The following GALNT13 variants were observed in gnomAD, a reference collection of about 807,000 sequenced individuals.
GALNT13 encodes UDP-GalNAc:polypeptide N-acetylgalactosaminyltransferase 13.
Under a neutral mutation model 64.2 loss-of-function variants are expected in GALNT13, and 28 were observed. That is an observed-to-expected ratio of 0.44 (90% confidence interval 0.32 to 0.60). The LOEUF is 0.60. GALNT13 is among the 20% of genes least tolerant of loss of function. GALNT13 has a pLI of 0.05. For missense variants in GALNT13, 577 were observed against 669.8 expected, an observed-to-expected ratio of 0.86 and a Z score of 1.53; for synonymous variants, 214 against 224.6, an observed-to-expected ratio of 0.95 and a Z score of 0.42.
At chr2:153,690,998 G>A in the GALNT13 span, among the ~76,000 whole-genome samples, 1 of 152,040 alleles carries the variant, frequency 6.6e-6, no homozygotes. Flanking sequence ...GAGAAAATGG[G>A]TAGACCAGAC....
intron 2 of GALNT13, among the ~76,000 whole-genome samples, chr2:153,901,727 C>T (rs1688248095): frequency 6.6e-6 from 1 of 152,016 alleles, no homozygotes; most frequent in Admixed American, 6.6e-5. Context: ...TAAGAATTGC[C>T]TTATATTCAG....
chr2:153,501,363 C>T, the GALNT13 span, among the ~76,000 whole-genome samples: 1 of 151,762 alleles, frequency 6.6e-6, no homozygotes, highest in African/African-American at 2.4e-5. Context: ...ATGGAGTCGC[C>T]CTCTGTCGCC....
At chr2:154,415,676 A>G (rs969612616) in intron 11 of GALNT13, among the ~76,000 whole-genome samples, 1 of 152,158 alleles carries the variant, frequency 6.6e-6, no homozygotes, top group African/African-American at 2.4e-5. Context: ...GGTGTATTAA[A>G]AATTTAGAGA....
the GALNT13 span, among the ~76,000 whole-genome samples, chr2:153,149,110 G>A: frequency 2.0e-4 from 30 of 151,894 alleles, no homozygotes; most frequent in Admixed American, 4.6e-4. Flanking sequence ...CCACCACCCT[G>A]CACTCTTTAA....
the GALNT13 span, among the ~76,000 whole-genome samples, chr2:153,107,524 A>G: frequency 2.0e-5 from 3 of 152,114 alleles, no homozygotes; most frequent in Non-Finnish European, 4.4e-5. Flanking sequence ...CTGAGTGCAT[A>G]TTTCAAGCAG....
At chr2:154,129,876 G>T (rs1480406053) in intron 3 of GALNT13, among the ~76,000 whole-genome samples, 2 of 151,918 alleles carry the variant, frequency 1.3e-5, no homozygotes, top group African/African-American at 2.4e-5. Context: ...CATGTTCTTT[G>T]CAGTTCCCTT....
At chr2:154,070,851 G>T (rs958687693) in intron 3 of GALNT13, among the ~76,000 whole-genome samples, 4 of 151,660 alleles carry the variant, frequency 2.6e-5, no homozygotes, top group Admixed American at 1.3e-4. Context: ...CAGGAGACAG[G>T]TTGCAGTGAG....
the GALNT13 span, among the ~76,000 whole-genome samples, chr2:153,393,900 T>G: frequency 6.6e-6 from 1 of 151,640 alleles, no homozygotes; most frequent in Non-Finnish European, 1.5e-5. Context: ...TCTATAATCA[T>G]GAGCCAATTC....
At chr2:153,940,064 G>A (rs1250147119) in intron 2 of GALNT13, among the ~76,000 whole-genome samples, 2 of 151,318 alleles carry the variant, frequency 1.3e-5, no homozygotes, top group African/African-American at 2.4e-5. Context: ...GCAAATGAGG[G>A]CATTTTTTGT....
the GALNT13 span, among the ~76,000 whole-genome samples, chr2:153,166,377 T>C: frequency 4.1e-4 from 62 of 152,326 alleles, no homozygotes; most frequent in Non-Finnish European, 1.5e-5. Context: ...TGCCATATTG[T>C]GGGCTGCCTG....
chr2:153,118,145 A>ACACACC, the GALNT13 span, among the ~76,000 whole-genome samples: 2,573 of 147,452 alleles, frequency 0.017, 74 homozygotes, highest in African/African-American at 0.055. Context: ...ACACACACAC[A>ACACACC]CCCCACATAA....
At chr2:154,312,601 G>T (rs1694108589) in intron 9 of GALNT13, among the ~76,000 whole-genome samples, 1 of 152,176 alleles carries the variant, frequency 6.6e-6, no homozygotes, top group South Asian at 2.1e-4. Flanking sequence ...TATTTTAAAA[G>T]AATTTAACTG....
the GALNT13 span, among the ~76,000 whole-genome samples, chr2:153,347,116 A>G: frequency 6.6e-6 from 1 of 152,236 alleles, no homozygotes; most frequent in South Asian, 2.1e-4. Context: ...TGATACATGT[A>G]TACTCTAACA....
chr2:153,831,449 GA>G, the GALNT13 span, among the ~76,000 whole-genome samples: 1 of 152,080 alleles, frequency 6.6e-6, no homozygotes, highest in Non-Finnish European at 1.5e-5. Flanking sequence ...CTCTTCCCAT[GA>G]GTATCTTCCT....
At position 153,911,659 on chromosome 2, in the gene GALNT13, C is replaced by T. The variant is rs78764507; in HGVS notation, c.-105+10652C>T. Among the ~76,000 whole-genome samples the T allele has an allele frequency of 2.7e-3, 412 of 152,128 alleles. 9 individuals carry two copies. The East Asian group carries it at 0.055, about 20-fold the overall frequency. Reference sequence around the variant, plus strand: ...TGAAAAGCATCTTATTTCTCCTTCGCTTATGAAGCTTAGTTTGTTTGTATA... The same window carrying T: ...TGAAAAGCATCTTATTTCTCCTTCGTTTATGAAGCTTAGTTTGTTTGTATA... On this transcript the variant is annotated intron_variant, in intron 2 of 12. Transcript: ENST00000392825.
chr2:154,288,301 A>T (rs762320045), intron 8 of GALNT13, among the ~76,000 whole-genome samples: 6 of 152,228 alleles, frequency 3.9e-5, no homozygotes, highest in Non-Finnish European at 7.4e-5. Context: ...ACATGTGGGA[A>T]TCATGAGAGC....
At chr2:153,209,242 A>T in the GALNT13 span, among the ~76,000 whole-genome samples, 1 of 151,722 alleles carries the variant, frequency 6.6e-6, no homozygotes, top group East Asian at 1.9e-4. Context: ...GGCCTCCCAA[A>T]GTGCTGGGAT....
chr2:153,317,866 G>A, the GALNT13 span, among the ~76,000 whole-genome samples: 2 of 151,980 alleles, frequency 1.3e-5, no homozygotes, highest in African/African-American at 4.8e-5. Context: ...TGTCTTATGG[G>A]AAAGAGAGAA....
chr2:153,509,187 T>G, the GALNT13 span, among the ~76,000 whole-genome samples: 1 of 152,218 alleles, frequency 6.6e-6, no homozygotes, highest in Non-Finnish European at 1.5e-5. Flanking sequence ...GCAGGTACTT[T>G]TGAGCCTGCG....
Sources: gnomAD v4.1 joint callset for allele counts (sites outside exome capture counted in the v4.1 genomes callset) on GRCh38, gnomAD v4.1.1 for gene constraint, MANE v1.5 for transcripts, NCBI Gene and HGNC (gene_info 2026-07-23, HGNC 2026-07-21) for gene names.